Variants in PRKG1 observed in about 807,000 individuals in gnomAD.
PRKG1 encodes the protein protein kinase cGMP-dependent 1, also known as cGMP-dependent protein kinase 1.
Under a neutral mutation model 88.1 loss-of-function variants are expected in PRKG1, and 35 were observed. The observed-to-expected ratio is 0.40, with a 90% CI of 0.30 to 0.53. PRKG1 has a LOEUF of 0.53. Ranked by LOEUF, PRKG1 falls within the 20% of genes least tolerant of loss-of-function variation. PRKG1 has a pLI of 0.59. For missense variants in PRKG1, 540 were observed against 839.8 expected, an observed-to-expected ratio of 0.64 and a Z score of 4.41; for synonymous variants, 303 against 292.5, an observed-to-expected ratio of 1.04 and a Z score of -0.37.
Position 51,121,350 on chromosome 10 carries a change from A to G in PRKG1, c.312-31814A>G, listed in dbSNP as rs537675317. Among the ~76,000 whole-genome samples, 3 of 152,272 alleles carry G rather than the reference A, an allele frequency of 2.0e-5. No homozygotes were observed. In the South Asian group the frequency reaches 6.2e-4, roughly 32 times the overall value. ...GTTTAATAGTAGAAACATGTCTTTGATGGAGGAAATTATTATATTATTTTT... is the reference window on the plus strand; with the variant it reads ...GTTTAATAGTAGAAACATGTCTTTGGTGGAGGAAATTATTATATTATTTTT... On this transcript the variant is annotated intron_variant, in intron 1 of 17. Transcript: ENST00000373980.
intron 2 of PRKG1, among the ~76,000 whole-genome samples, chr10:51,171,261 G>T (rs1846698152): frequency 6.6e-6 from 1 of 152,028 alleles, no homozygotes; most frequent in African/African-American, 2.4e-5. Context: ...GAATACCTAG[G>T]GTACAGTAAT....
At chr10:51,173,388 A>T (rs999863465) in intron 2 of PRKG1, among the ~76,000 whole-genome samples, 1 of 151,016 alleles carries the variant, frequency 6.6e-6, no homozygotes, top group Non-Finnish European at 1.5e-5. Flanking sequence ...GTAAATTTTC[A>T]ATTAAGATCA....
At chr10:52,264,665 C>T (rs1408372926) in intron 10 of PRKG1, among the ~76,000 whole-genome samples, 1 of 151,940 alleles carries the variant, frequency 6.6e-6, no homozygotes, top group Non-Finnish European at 1.5e-5. Flanking sequence ...AAAATATTTG[C>T]CATTCCTATT....
At chr10:51,909,920 C>T (rs6480573) in intron 5 of PRKG1, 114,268 of 152,200 alleles carry the variant, frequency 0.75, 43,418 homozygotes, top group African/African-American at 0.87. Context: ...GGTTTGCACA[C>T]ATAAGCCCCT....
At chr10:52,035,632 C>T (rs192868225) in intron 5 of PRKG1, among the ~76,000 whole-genome samples, 10 of 152,002 alleles carry the variant, frequency 6.6e-5, no homozygotes, top group Admixed American at 2.6e-4. Context: ...TCAGGAATAA[C>T]GTGGGAGGCC....
chr10:52,017,483 G>A (rs997825587), intron 5 of PRKG1, among the ~76,000 whole-genome samples: 1 of 152,118 alleles, frequency 6.6e-6, no homozygotes, highest in African/African-American at 2.4e-5. Context: ...CAAGGTTTTG[G>A]GTAGATAGTA....
chr10:52,147,136 G>T (rs1471678573), intron 8 of PRKG1, among the ~76,000 whole-genome samples: 2 of 152,120 alleles, frequency 1.3e-5, no homozygotes, highest in African/African-American at 4.8e-5. Context: ...GAGTAGAAAT[G>T]AGCTCAAATA....
At chr10:52,039,284 GGTT>G (rs1845697058) in intron 5 of PRKG1, among the ~76,000 whole-genome samples, 1 of 152,140 alleles carries the variant, frequency 6.6e-6, no homozygotes, top group South Asian at 2.1e-4. Context: ...GTCAAAGGGG[GGTT>G]GTTCTCTGGC....
intron 4 of PRKG1, among the ~76,000 whole-genome samples, chr10:51,894,403 CTAGT>C (rs1332804335): frequency 6.6e-6 from 1 of 152,070 alleles, no homozygotes; most frequent in Non-Finnish European, 1.5e-5. Flanking sequence ...TTGACAGGGG[CTAGT>C]TATTCTTTAA....
Position 51,584,340 on chromosome 10 carries a change from A to G in PRKG1, c.592+116504A>G, listed in dbSNP as rs147505003. The stretch of plus-strand genomic sequence containing the variant: ...GTAGGGACTCCAAGAATAGACTACT[A>G]CATTCCTAGATTCAAAAACTAAAAT... On this transcript the variant is annotated intron_variant, in intron 3 of 17. Transcript: ENST00000373980. 6.1e-4 allele frequency among the ~76,000 whole-genome samples: 93 copies of G among 152,220 alleles called. 1 individual carries two copies. Among genetic ancestry groups the G allele is most frequent in the African/African-American group, 2.1e-3 (89 of 41,568 alleles).
intron 3 of PRKG1, among the ~76,000 whole-genome samples, chr10:51,562,776 T>G (rs1837501971): frequency 6.6e-6 from 1 of 152,006 alleles, no homozygotes; most frequent in Non-Finnish European, 1.5e-5. Context: ...CTTTATTTAT[T>G]TATTTATTTA....
At chr10:51,980,456 T>G (rs566227054) in intron 5 of PRKG1, among the ~76,000 whole-genome samples, 3 of 152,292 alleles carry the variant, frequency 2.0e-5, no homozygotes, top group Middle Eastern at 3.4e-3. Flanking sequence ...GTATAGTCTG[T>G]TATTTTGGGT....
intron 2 of PRKG1, among the ~76,000 whole-genome samples, chr10:51,442,394 A>G (rs985359626): frequency 6.6e-6 from 1 of 152,022 alleles, no homozygotes; most frequent in Admixed American, 6.6e-5. Flanking sequence ...TTTCAAAATT[A>G]GTACTATAAT....
At chr10:52,215,909 A>G (rs1167733460) in intron 9 of PRKG1, among the ~76,000 whole-genome samples, 2 of 152,174 alleles carry the variant, frequency 1.3e-5, no homozygotes, top group African/African-American at 4.8e-5. Context: ...CAAAGGCCTA[A>G]CTTGAAGGCA....
intron 5 of PRKG1, 68 bp downstream of exon 5, chr10:51,907,638 C>A: frequency 1.5e-6 from 2 of 1,367,678 alleles, no homozygotes; most frequent in Non-Finnish European, 1.0e-6. Context: ...TCTTTCACAG[C>A]TGTGTGATGA....
At chr10:51,562,411 G>A (rs1312769624) in intron 3 of PRKG1, among the ~76,000 whole-genome samples, 2 of 152,090 alleles carry the variant, frequency 1.3e-5, no homozygotes, top group African/African-American at 4.8e-5. Flanking sequence ...GCAGAATTGT[G>A]AGGTTCTGTT....
intron 3 of PRKG1, among the ~76,000 whole-genome samples, chr10:51,798,029 T>A (rs1026535331): frequency 6.6e-6 from 1 of 152,070 alleles, no homozygotes; most frequent in African/African-American, 2.4e-5. Flanking sequence ...TACACCACAT[T>A]TTGTTTACTC....
At chr10:51,884,645 T>A (rs539351593) in intron 4 of PRKG1, among the ~76,000 whole-genome samples, 1 of 152,016 alleles carries the variant, frequency 6.6e-6, no homozygotes, top group Non-Finnish European at 1.5e-5. Flanking sequence ...GCTGAGGCCA[T>A]GCGTACACTG....
intron 1 of PRKG1, among the ~76,000 whole-genome samples, chr10:51,045,304 A>C (rs1298832820): frequency 2.0e-5 from 3 of 147,498 alleles, no homozygotes; most frequent in Non-Finnish European, 4.4e-5. Flanking sequence ...ACCATAGAAA[A>C]AAATATTTAT....
Sources: allele counts gnomAD v4.1 joint callset (sites outside exome capture counted in the v4.1 genomes callset), GRCh38; gene constraint gnomAD v4.1.1; transcripts MANE v1.5; gene names NCBI Gene and HGNC (gene_info 2026-07-23, HGNC 2026-07-21).